Variants in NCOR1 observed in about 807,000 individuals in gnomAD.
The protein encoded by NCOR1 is protein phosphatase 1, regulatory subunit 109.
NCOR1 carries 63 observed loss-of-function variants against 288.1 expected under a neutral mutation model. The ratio of observed to expected loss-of-function variants is 0.22; its 90% CI spans 0.18 to 0.27. The LOEUF is 0.27. Ranked by LOEUF, NCOR1 falls within the 10% of genes least tolerant of loss-of-function variation. The pLI is 1.00. For missense variants in NCOR1, 2,397 were observed against 3,019.2 expected (o/e 0.79, Z 4.83); for synonymous variants, 1,007 against 1,065.9 (o/e 0.94, Z 1.08).
chr17:16,048,447 ATAAT>A (rs1172284200), intron 41 of NCOR1, among the ~76,000 whole-genome samples: 4 of 152,212 alleles, frequency 2.6e-5, no homozygotes, highest in East Asian at 1.9e-4. Flanking sequence ...GGATAATTTA[ATAAT>A]TAATAGGGTT....
Position 16,146,480 on chromosome 17 carries a change from T to C in NCOR1, c.978A>G (p.Glu326=). ...CTTTAGCTTTCCTCCGAGGATTATT[T>C]TCTATTCTGTCCACTTTTTTCTCCC... The part of the protein sequence containing the change: ...EAWEKKVDRI[E]NNPRRKAKES... The change falls in exon 10 of 46, where the codon GAA becomes GAG. Residue 326 remains glutamate (E), a synonymous_variant. Transcript: ENST00000268712. 3 of 1,613,826 alleles carry C rather than the reference T, an allele frequency of 1.9e-6. No individual in the cohort carries two copies. The highest frequency in any genetic ancestry group is 2.5e-6 in the Non-Finnish European group (3 of 1,179,900).
rs373024796 is a variant in NCOR1, at chr17:16,119,369, A to G, written c.1915+54T>C. The G allele has an allele frequency of 3.0e-4, 397 of 1,332,480 alleles. 1 individual carries two copies. Among genetic ancestry groups the G allele is most frequent in the Non-Finnish European group, 2.2e-4 (207 of 943,100 alleles). The allele number at this position is 1,332,480 out of a possible 1,614,324, so 82.5% of individuals were successfully genotyped here. A position where few individuals can be genotyped will look rare whatever the true frequency, so the allele number is the denominator to read the frequency against. On this transcript the variant is annotated intron_variant, in intron 17 of 45. Coordinates refer to ENST00000268712, the MANE Select transcript of NCOR1 (RefSeq NM_006311.4). ...ATTAGTTCCATCTCACTCATTACTA[A>G]TAACCCTAAAAAACAAAACAAAAAC...
At chr17:16,102,367 C>G (rs937338297) in intron 19 of NCOR1, among the ~76,000 whole-genome samples, 6 of 152,086 alleles carry the variant, frequency 3.9e-5, no homozygotes, top group African/African-American at 1.4e-4. Flanking sequence ...ACTGCAACCT[C>G]CGCCTCCTGG....
chr17:16,158,274 T>C lies in NCOR1; in HGVS notation c.732+486A>G, dbSNP rs118093733. Among the ~76,000 whole-genome samples the C allele has an allele frequency of 7.6e-3, 1,155 of 152,276 alleles. 19 individuals carry two copies. The highest frequency in any genetic ancestry group is 0.05 in the East Asian group (258 of 5,182). On this transcript the variant is annotated intron_variant, in intron 6 of 45. Transcript: ENST00000268712. ...TGGGCATGAGCCACCATGCCCCGCC[T>C]TGAACTTTTTAACTGAAGTTCAAAC...
intron 33 of NCOR1, 39 bp from the exon 34 acceptor site, chr17:16,065,058 C>T (rs2152671454): frequency 1.3e-6 from 2 of 1,592,086 alleles, no homozygotes; most frequent in Non-Finnish European, 1.7e-6. Context: ...AAGTGTTATT[C>T]TAAAGGTACA....
chr17:16,192,672 G>A (rs1308544665), intron 2 of NCOR1, among the ~76,000 whole-genome samples: 4 of 151,978 alleles, frequency 2.6e-5, no homozygotes, highest in African/African-American at 2.4e-5. Flanking sequence ...AAAGTATATC[G>A]GACTTGATAA....
chr17:16,128,399 T>C (rs1191216711), intron 14 of NCOR1, among the ~76,000 whole-genome samples: 2 of 152,196 alleles, frequency 1.3e-5, no homozygotes, highest in Admixed American at 1.3e-4. Flanking sequence ...CACCTGCTTG[T>C]AGCACTGTCA....
chr17:16,125,520 G>A (rs1021177791), intron 15 of NCOR1, among the ~76,000 whole-genome samples: 2 of 151,868 alleles, frequency 1.3e-5, no homozygotes, highest in Non-Finnish European at 2.9e-5. Context: ...CTGGCTAACA[G>A]TGAAACCCCA....
intron 40 of NCOR1, among the ~76,000 whole-genome samples, chr17:16,049,744 C>T (rs557277312): frequency 5.9e-5 from 9 of 152,110 alleles, no homozygotes; most frequent in African/African-American, 1.9e-4. Context: ...CGCCACCATA[C>T]CCCGGCTAAT....
rs926942197 is a variant in NCOR1, at chr17:16,151,661, G to A, written c.842+285C>T. 2.9e-6 allele frequency: 4 copies of A among 1,384,898 alleles called. No individual in the cohort carries two copies. In the East Asian group the frequency reaches 1.4e-4, roughly 50 times the overall value. The allele number at this position is 1,384,898 out of a possible 1,614,324, so 85.8% of individuals were successfully genotyped here. A position where few individuals can be genotyped will look rare whatever the true frequency, so the allele number is the denominator to read the frequency against. On this transcript the variant is annotated intron_variant, in intron 8 of 45. Coordinates refer to ENST00000268712, the MANE Select transcript of NCOR1 (RefSeq NM_006311.4). Reference sequence around the variant, plus strand: ...GGAGGCAAAAAATTCAAGCCTCAAGGTAAGCCATTTCAATGTTAAGTATCC... The same window carrying A: ...GGAGGCAAAAAATTCAAGCCTCAAGATAAGCCATTTCAATGTTAAGTATCC...
chr17:16,180,097 T>C (rs2085093150), intron 3 of NCOR1, among the ~76,000 whole-genome samples: 1 of 150,928 alleles, frequency 6.6e-6, no homozygotes, highest in African/African-American at 2.4e-5. Context: ...CACAAATCAA[T>C]CAATGGGATA....
intron 1 of NCOR1, among the ~76,000 whole-genome samples, chr17:16,213,352 G>A (rs1774449614): frequency 6.6e-6 from 1 of 152,100 alleles, no homozygotes; most frequent in Non-Finnish European, 1.5e-5. Context: ...AATTAGCCAG[G>A]CATGGTGGCA....
At chr17:16,164,178 T>C (rs529012477) in intron 5 of NCOR1, among the ~76,000 whole-genome samples, 1 of 151,600 alleles carries the variant, frequency 6.6e-6, no homozygotes, top group East Asian at 1.9e-4. Flanking sequence ...GAGACAGAGG[T>C]TGCAGTGAGC....
rs139942816 is a variant in NCOR1, at chr17:16,101,495, G to A, written c.2445C>T (p.Pro815=). ...CGTCCACAGAGTCAGCTTTGGTAGCGGGTGGGGGATCACAAACAGAACCCT... is the reference window on the plus strand; with the variant it reads ...CGTCCACAGAGTCAGCTTTGGTAGCAGGTGGGGGATCACAAACAGAACCCT... The part of the protein sequence containing the change: ...AEEGSVCDPP[P]ATKADSVDVE... Residue 815 remains proline (P), a synonymous_variant, in exon 20 of 46, where the codon CCC becomes CCT. Transcript: ENST00000268712. 1,274 of 1,614,144 alleles carry A rather than the reference G, an allele frequency of 7.9e-4. 12 individuals are homozygous for A. The African/African-American group carries it at 0.015, about 19-fold the overall frequency.
intron 9 of NCOR1, among the ~76,000 whole-genome samples, chr17:16,147,917 A>G (rs2078245527): frequency 6.6e-6 from 1 of 152,174 alleles, no homozygotes; most frequent in Admixed American, 6.5e-5. Context: ...TCCCGGGTTC[A>G]AGTTATTCTC....
chr17:16,212,287 A>C (rs2092207803), intron 1 of NCOR1, among the ~76,000 whole-genome samples: 1 of 152,074 alleles, frequency 6.6e-6, no homozygotes, highest in Non-Finnish European at 1.5e-5. Context: ...AAAAGAAAAA[A>C]AAAAGATAAT....
intron 11 of NCOR1, 122 bp from the exon 12 acceptor site, chr17:16,139,308 G>A (rs2076843151): frequency 9.4e-6 from 6 of 637,418 alleles, no homozygotes; most frequent in Middle Eastern, 4.3e-4. Flanking sequence ...CAATAGCAGT[G>A]TATACCACAG....
chr17:16,143,206 C>CGTAA (rs1475217968), intron 11 of NCOR1, among the ~76,000 whole-genome samples: 16 of 152,186 alleles, frequency 1.1e-4, no homozygotes, highest in Non-Finnish European at 2.1e-4. Context: ...GCACCACCAG[C>CGTAA]TTACTCCTCT....
chr17:16,204,204 A>C (rs1462413246), intron 1 of NCOR1, among the ~76,000 whole-genome samples: 1 of 152,234 alleles, frequency 6.6e-6, no homozygotes, highest in Non-Finnish European at 1.5e-5. Flanking sequence ...AGTAAATGAC[A>C]AAAGCTGCAA....
Sources: gnomAD v4.1 joint callset for allele counts (sites outside exome capture counted in the v4.1 genomes callset) on GRCh38, gnomAD v4.1.1 for gene constraint, MANE v1.5 for transcripts, NCBI Gene and HGNC (gene_info 2026-07-23, HGNC 2026-07-21) for gene names.